The following EMCN variants were observed in gnomAD, a reference collection of about 807,000 sequenced individuals.
The protein encoded by EMCN is endomucin.
A neutral mutation model predicts 38.4 loss-of-function variants in EMCN; 37 were observed. That is an observed-to-expected ratio of 0.96 (90% CI 0.74 to 1.27). The LOEUF is 1.27. Among genes scored for constraint, EMCN ranks in the 50% most tolerant of loss-of-function variants. The probability of loss-of-function intolerance (pLI) is 0.00; values close to 1 mark genes in which losing one functional copy is unlikely to be tolerated. For synonymous variants in EMCN, 95 were observed against 100.8 expected (o/e 0.94, Z 0.35); for missense variants, 318 against 302.8 (o/e 1.05, Z -0.37).
chr4:100,494,974 G>A (rs1490608528), intron 1 of EMCN, among the ~76,000 whole-genome samples: 1 of 151,334 alleles, frequency 6.6e-6, no homozygotes. Flanking sequence ...TGAAGGAAGG[G>A]GAACTACATT....
At chr4:100,453,869 G>A (rs1578204112) in intron 4 of EMCN, among the ~76,000 whole-genome samples, 2 of 152,208 alleles carry the variant, frequency 1.3e-5, no homozygotes, top group Non-Finnish European at 1.5e-5. Context: ...CATGTCCTTT[G>A]TAGGGACATG....
chr4:100,497,323 A>G (rs186773512), intron 1 of EMCN, among the ~76,000 whole-genome samples: 218 of 151,016 alleles, frequency 1.4e-3, no homozygotes, highest in African/African-American at 5.0e-3. Context: ...TTAGTACAGC[A>G]TTGCAAAGGA....
rs112843233 is a variant in EMCN at position 100,495,228 on chromosome 4, T to A, written c.65-15189A>T. On this transcript the variant is annotated intron_variant, in intron 1 of 11. Transcript: ENST00000296420. ...ATATTTGAGTTACCTAATTTTTTTT[T>A]ATTTCATTAAACATTGTTTACAAAG... Among the ~76,000 whole-genome samples the A allele has an allele frequency of 1.7e-3, 263 of 152,196 alleles. 3 individuals carry two copies. Among genetic ancestry groups the A allele is most frequent in the African/African-American group, 5.9e-3 (245 of 41,566 alleles).
chr4:100,459,160 C>A (rs1728099153), intron 4 of EMCN, among the ~76,000 whole-genome samples: 1 of 138,134 alleles, frequency 7.2e-6, no homozygotes, highest in South Asian at 2.4e-4. Flanking sequence ...GAGCCATTGC[C>A]CTCAGATGCT....
Position 100,415,327 on chromosome 4 carries a change from A to AT in EMCN, c.751+570dup, listed in dbSNP as rs1322654048. On this transcript the variant is annotated intron_variant, in intron 10 of 11. Transcript: ENST00000296420. ...ATTTTGAAAAGCTATCTAGCACCACATTTTTTCATTGTTCTTGACACAAAT... is the reference window on the plus strand; with the variant it reads ...ATTTTGAAAAGCTATCTAGCACCACATTTTTTTCATTGTTCTTGACACAAAT... Among the ~76,000 whole-genome samples the AT allele has an allele frequency of 2.6e-5, 4 of 152,162 alleles. 1 individual carries two copies. The highest frequency in any genetic ancestry group is 4.1e-4 in the South Asian group (2 of 4,826).
At chr4:100,410,427 T>C in intron 10 of EMCN, 72 bp from the exon 11 acceptor site, 1 of 1,430,668 alleles carries the variant, frequency 7.0e-7, no homozygotes, top group Non-Finnish European at 9.7e-7. Context: ...GTTTCCTAGC[T>C]TTTTTCTATT....
chr4:100,419,154 C>T (rs1231420594), intron 8 of EMCN, among the ~76,000 whole-genome samples: 4 of 152,042 alleles, frequency 2.6e-5, no homozygotes, highest in South Asian at 2.1e-4. Flanking sequence ...CTATTTTCTG[C>T]GTATATACCA....
intron 3 of EMCN, among the ~76,000 whole-genome samples, chr4:100,472,485 G>A (rs958592334): frequency 6.6e-6 from 1 of 152,020 alleles, no homozygotes; most frequent in Non-Finnish European, 1.5e-5. Flanking sequence ...TAAACGGAAA[G>A]ACATCCTATG....
chr4:100,518,009 G>C lies in EMCN; in HGVS notation c.-95C>G, dbSNP rs762216244. On this transcript the variant is annotated 5_prime_UTR_variant, in exon 1 of 12. Transcript: ENST00000296420. ...CAGGGCCTTATTAGCAAATGGAAAA[G>C]GTGTAGTGAATGTGAATAGCCACTG... is the stretch of plus-strand genomic sequence containing the variant. 141 of 1,242,954 alleles carry C rather than the reference G, an allele frequency of 1.1e-4. 1 individual carries two copies. Among genetic ancestry groups the C allele is most frequent in the Admixed American group, 2.4e-4 (14 of 58,852 alleles). The allele number at this position is 1,242,954 out of a possible 1,614,324, so 77.0% of individuals were successfully genotyped here.
chr4:100,418,941 T>G (rs2110215676), intron 8 of EMCN, among the ~76,000 whole-genome samples: 1 of 152,174 alleles, frequency 6.6e-6, no homozygotes, highest in South Asian at 2.1e-4. Context: ...GTAGCTGTAT[T>G]TTTAGTTTTT....
rs763144488 is a variant in EMCN at position 100,465,517 on chromosome 4, A to G, written c.282T>C (p.Asp94=). 2 of 1,606,962 alleles carry G rather than the reference A, an allele frequency of 1.2e-6. No homozygotes were observed. Among genetic ancestry groups the G allele is most frequent in the Middle Eastern group, 1.7e-4 (1 of 6,016 alleles). ...KDEGLKATTT[D]VRKNDSIISN... ...AAATGATGGAGTCATTCTTCCTGACATCAGTGGTTGTGGCTTTCAATCCTA... is the reference window on the plus strand; with the variant it reads ...AAATGATGGAGTCATTCTTCCTGACGTCAGTGGTTGTGGCTTTCAATCCTA... The change falls in exon 4 of 12, where the codon GAT becomes GAC. Residue 94 remains aspartate, a synonymous_variant. Transcript: ENST00000296420.
intron 4 of EMCN, among the ~76,000 whole-genome samples, chr4:100,449,025 A>C (rs1225759070): frequency 1.3e-5 from 2 of 152,012 alleles, no homozygotes; most frequent in Non-Finnish European, 2.9e-5. Context: ...TTTGTCTTTA[A>C]AAAATTATTA....
At chr4:100,450,061 G>A (rs1410497688) in intron 4 of EMCN, among the ~76,000 whole-genome samples, 1 of 152,028 alleles carries the variant, frequency 6.6e-6, no homozygotes, top group Non-Finnish European at 1.5e-5. Context: ...ATTAATGAGT[G>A]AAGATATTTT....
At chr4:100,489,022 A>G (rs904571795) in intron 1 of EMCN, among the ~76,000 whole-genome samples, 3 of 152,178 alleles carry the variant, frequency 2.0e-5, no homozygotes, top group Non-Finnish European at 2.9e-5. Context: ...TCTAATAACA[A>G]TTTTGTGAAA....
chr4:100,515,511 A>G (rs893487949), intron 1 of EMCN, among the ~76,000 whole-genome samples: 1 of 152,146 alleles, frequency 6.6e-6, no homozygotes, highest in Middle Eastern at 3.2e-3. Flanking sequence ...GAAAGACTGT[A>G]TTGTAGTTAT....
intron 1 of EMCN, among the ~76,000 whole-genome samples, chr4:100,501,077 T>C (rs1423923001): frequency 6.6e-6 from 1 of 152,136 alleles, no homozygotes; most frequent in Non-Finnish European, 1.5e-5. Context: ...TCCAATGCAA[T>C]GAAATGTATG....
chr4:100,412,126 A>G (rs188852210), intron 10 of EMCN, among the ~76,000 whole-genome samples: 1 of 152,006 alleles, frequency 6.6e-6, no homozygotes, highest in East Asian at 1.9e-4. Context: ...AGAGCAAGAG[A>G]CTCTCTCTTC....
chr4:100,498,475 T>C (rs1167619444), intron 1 of EMCN, among the ~76,000 whole-genome samples: 2 of 152,068 alleles, frequency 1.3e-5, no homozygotes, highest in African/African-American at 4.8e-5. Flanking sequence ...ATACTTTCCA[T>C]AATTACAGTG....
At chr4:100,469,024 A>G (rs1267627204) in intron 3 of EMCN, among the ~76,000 whole-genome samples, 1 of 152,156 alleles carries the variant, frequency 6.6e-6, no homozygotes, top group Non-Finnish European at 1.5e-5. Flanking sequence ...TAATACTGGC[A>G]TGAAAACAGA....
Sources: gnomAD v4.1 joint callset for allele counts (sites outside exome capture counted in the v4.1 genomes callset) on GRCh38, gnomAD v4.1.1 for gene constraint, MANE v1.5 for transcripts, NCBI Gene and HGNC (gene_info 2026-07-23, HGNC 2026-07-21) for gene names.